FGD4: variants seen among roughly 807,000 people sequenced by gnomAD.
FGD4 encodes FYVE, RhoGEF and PH domain-containing protein 4.
Under a neutral mutation model 102.0 loss-of-function variants are expected in FGD4, and 42 were observed. The ratio of observed to expected loss-of-function variants is 0.41; its 90% confidence interval spans 0.32 to 0.53. The LOEUF (loss-of-function observed/expected upper bound fraction) is 0.53, where lower values mean the gene tolerates loss of function less well. Ranked by LOEUF, FGD4 falls within the 20% of genes least tolerant of loss-of-function variation. The pLI is 0.21. For synonymous variants in FGD4, 380 were observed against 375.7 expected, an observed-to-expected ratio of 1.01 and a Z score of -0.13; for missense variants, 902 against 1,078.2, an observed-to-expected ratio of 0.84 and a Z score of 2.29.
At chr12:32,458,951 C>G (rs540555484) in intron 1 of FGD4, among the ~76,000 whole-genome samples, 13 of 152,244 alleles carry the variant, frequency 8.5e-5, no homozygotes, top group African/African-American at 2.2e-4. Context: ...TAAAGTTTCT[C>G]CAATAGTTAG....
At chr12:32,539,344 T>C (rs2136117433) in intron 1 of FGD4, among the ~76,000 whole-genome samples, 1 of 151,962 alleles carries the variant, frequency 6.6e-6, no homozygotes, top group Admixed American at 6.6e-5. Flanking sequence ...CTGAGGTGGG[T>C]GGATCATCTG....
chr12:32,627,433 C>T (rs546758402), intron 14 of FGD4, among the ~76,000 whole-genome samples: 1 of 152,184 alleles, frequency 6.6e-6, no homozygotes, highest in Admixed American at 6.5e-5. Context: ...GGATTACAGG[C>T]GTGAGCCACT....
rs568554066 is a variant in FGD4 at position 32,526,634 on chromosome 12, A to G, written c.167-37503A>G. ...CCGAGCCAGCATTGGCAACCTGCTC[A>G]GGTCCCCTTCCACACTGTGGGAGCT... On this transcript the variant is annotated intron_variant, in intron 1 of 16. Coordinates refer to ENST00000534526, the MANE Select transcript of FGD4 (RefSeq NM_001370298.3). 8.5e-5 allele frequency among the ~76,000 whole-genome samples: 13 copies of G among 152,348 alleles called. No homozygotes were observed. The East Asian group carries it at 1.7e-3, about 20-fold the overall frequency.
chr12:32,639,156 T>C (rs1951019362), intron 16 of FGD4, among the ~76,000 whole-genome samples: 1 of 152,110 alleles, frequency 6.6e-6, no homozygotes, highest in Admixed American at 6.6e-5. Context: ...TTTGTTTGTT[T>C]GTTTGTTGTG....
chr12:32,600,298 A>G (rs1592360537), intron 5 of FGD4: 1 of 275,668 alleles, frequency 3.6e-6, no homozygotes, highest in East Asian at 1.2e-4. Context: ...AAGCCAAATA[A>G]CTCGTCAGCC....
chr12:32,611,099 ACCTGC>A (rs1170126558), intron 9 of FGD4, 33 bp from the exon 10 acceptor site: 11 of 1,613,522 alleles, frequency 6.8e-6, no homozygotes, highest in Non-Finnish European at 9.3e-6. Context: ...CTAGGTTGAA[ACCTGC>A]CTGTATGTGA....
intron 1 of FGD4, among the ~76,000 whole-genome samples, chr12:32,496,622 G>A (rs747824835): frequency 5.3e-5 from 8 of 152,078 alleles, no homozygotes; most frequent in South Asian, 2.1e-4. Context: ...CACTCCACAC[G>A]TATTTTAGAT....
chr12:32,401,535 A>T (rs1176929489), intron 1 of FGD4, among the ~76,000 whole-genome samples: 1 of 152,132 alleles, frequency 6.6e-6, no homozygotes, highest in African/African-American at 2.4e-5. Context: ...TGCTGGGATT[A>T]CAGATGTGAG....
intron 2 of FGD4, among the ~76,000 whole-genome samples, chr12:32,573,129 TC>T (rs201441126): frequency 0.013 from 1,998 of 152,298 alleles, 15 homozygotes; most frequent in Non-Finnish European, 0.02. Context: ...GGAGTTTCAC[TC>T]TGTCGCACAG....
At chr12:32,461,916 G>A (rs1205608121) in intron 1 of FGD4, among the ~76,000 whole-genome samples, 2 of 151,764 alleles carry the variant, frequency 1.3e-5, no homozygotes, top group African/African-American at 2.4e-5. Flanking sequence ...TAGTAGAGAC[G>A]GGCTTTCACC....
intron 2 of FGD4, among the ~76,000 whole-genome samples, chr12:32,567,166 T>C (rs980631757): frequency 6.6e-6 from 1 of 152,218 alleles, no homozygotes; most frequent in Admixed American, 6.5e-5. Context: ...AGGAAGCCTT[T>C]GTCTCTTTGT....
intron 1 of FGD4, among the ~76,000 whole-genome samples, chr12:32,432,013 C>T (rs564911923): frequency 5.3e-5 from 8 of 150,892 alleles, no homozygotes; most frequent in Non-Finnish European, 1.2e-4. Context: ...AATTGGGAGC[C>T]CTGGTTGGGC....
In FGD4 at chr12:32,598,669, G is replaced by A. The variant is rs538408785; in HGVS notation, c.1101+83G>A. On this transcript the variant is annotated intron_variant, in intron 5 of 16. Coordinates refer to ENST00000534526, the MANE Select transcript of FGD4 (RefSeq NM_001370298.3). Reference sequence around the variant, plus strand: ...TAGTAATTAGAGTATTTTAGAAACTGCATGAAGGAAGGGCCTGTTTTTGGC... The same window carrying A: ...TAGTAATTAGAGTATTTTAGAAACTACATGAAGGAAGGGCCTGTTTTTGGC... 552 of 1,185,528 alleles carry A rather than the reference G, an allele frequency of 4.7e-4. 1 individual carries two copies. The highest frequency in any genetic ancestry group is 9.3e-4 in the South Asian group (74 of 79,924). 73.4% of individuals were successfully genotyped at this position (1,185,528 alleles called of 1,614,324 possible). A position where few individuals can be genotyped will look rare whatever the true frequency, so the allele number is the denominator to read the frequency against.
intron 14 of FGD4, 80 bp downstream of exon 14, chr12:32,625,859 A>G (rs1158703659): frequency 1.3e-6 from 2 of 1,583,532 alleles, no homozygotes; most frequent in Admixed American, 3.3e-5. Flanking sequence ...ACACACAAAA[A>G]AATGACTTTC....
chr12:32,567,249 T>C (rs1437296543), intron 2 of FGD4, among the ~76,000 whole-genome samples: 1 of 152,192 alleles, frequency 6.6e-6, no homozygotes, highest in Non-Finnish European at 1.5e-5. Context: ...GTAATAAATA[T>C]GCCTTTCTCT....
At chr12:32,551,592 A>G (rs1211834202) in intron 1 of FGD4, among the ~76,000 whole-genome samples, 1 of 152,154 alleles carries the variant, frequency 6.6e-6, no homozygotes, top group Admixed American at 6.5e-5. Flanking sequence ...GAATGTTTAG[A>G]TTGCTGTAGA....
intron 1 of FGD4, among the ~76,000 whole-genome samples, chr12:32,547,811 A>G (rs1248937913): frequency 6.6e-6 from 1 of 152,112 alleles, no homozygotes; most frequent in African/African-American, 2.4e-5. Context: ...GGTTCAAGCG[A>G]TTCTCCTGCT....
chr12:32,458,307 A>G (rs1020423762), intron 1 of FGD4, among the ~76,000 whole-genome samples: 2 of 151,776 alleles, frequency 1.3e-5, no homozygotes, highest in African/African-American at 4.8e-5. Context: ...AGTAATTGGG[A>G]CTACAAGTGT....
At chr12:32,533,170 T>G (rs1007576316) in intron 1 of FGD4, among the ~76,000 whole-genome samples, 3 of 152,184 alleles carry the variant, frequency 2.0e-5, no homozygotes, top group Admixed American at 6.5e-5. Context: ...GCAGTGTCAC[T>G]GTCACCTGGG....
Sources: gnomAD v4.1 joint callset for allele counts (sites outside exome capture counted in the v4.1 genomes callset) on GRCh38, gnomAD v4.1.1 for gene constraint, MANE v1.5 for transcripts, NCBI Gene and HGNC (gene_info 2026-07-23, HGNC 2026-07-21) for gene names.